Variants in IL12RB1 observed in about 807,000 individuals in gnomAD.
IL12RB1 encodes interleukin 12 receptor subunit beta 1, also known as interleukin-12 receptor subunit beta-1.
In IL12RB1, 64 loss-of-function variants were observed where a neutral mutation model predicts 94.4. That is an observed-to-expected ratio of 0.68 (90% confidence interval 0.55 to 0.83). The LOEUF is 0.83. Among genes scored for constraint, IL12RB1 ranks in the 40% least tolerant of loss-of-function variants. The pLI, the probability that IL12RB1 is intolerant of heterozygous loss-of-function variation, is 0.00. For synonymous variants in IL12RB1, 362 were observed against 355.5 expected (o/e 1.02, Z -0.21); for missense variants, 814 against 855.6 (o/e 0.95, Z 0.61).
intron 1 of IL12RB1, among the ~76,000 whole-genome samples, chr19:18,084,591 A>C (rs1276522199): frequency 2.0e-5 from 3 of 151,118 alleles, no homozygotes; most frequent in African/African-American, 7.3e-5. Flanking sequence ...CCATCTATCC[A>C]TCCACGTATT....
intron 16 of IL12RB1, 56 bp from the exon 17 acceptor site, chr19:18,059,669 G>A: frequency 2.6e-6 from 2 of 779,608 alleles, no homozygotes; most frequent in South Asian, 1.3e-5. Context: ...GGATTTGGTA[G>A]GGAATCATGT....
Position 18,069,526 on chromosome 19 carries a change from A to T in IL12RB1, c.1189+20T>A, listed in dbSNP as rs1352957512. 3.1e-6 allele frequency: 5 copies of T among 1,592,314 alleles called. No homozygotes were observed. The African/African-American group carries it at 5.4e-5, about 17-fold the overall frequency. The stretch of plus-strand genomic sequence containing the variant: ...GAGGGCACAGAGGAGGGGTAGGCGC[A>T]GGCCATTCCAGGCCATTACCCATTC... On this transcript the variant is annotated intron_variant, in intron 10 of 16. Transcript: ENST00000593993.
intron 4 of IL12RB1, among the ~76,000 whole-genome samples, chr19:18,079,324 G>A (rs1323045464): frequency 6.6e-6 from 1 of 151,834 alleles, no homozygotes; most frequent in Admixed American, 6.6e-5. Flanking sequence ...GGCTGGTCTC[G>A]AACTCCTGAC....
In IL12RB1 at chr19:18,097,929, G is replaced by A. The variant is rs1259777538; in HGVS notation, c.-230+826C>T. The A allele has an allele frequency of 3.1e-6, 3 of 959,970 alleles. No homozygotes were observed. The African/African-American group carries it at 5.1e-5, about 16-fold the overall frequency. 59.5% of individuals were successfully genotyped at this position (959,970 alleles called of 1,614,324 possible). A position where few individuals can be genotyped will look rare whatever the true frequency, so the allele number is the denominator to read the frequency against. ...GGGGCGGGGCCTTCACGGGCTGTAG[G>A]GAAACTGAGGCAGAGGGTGGGGAAC... On this transcript the variant is annotated intron_variant, in intron 1 of 4. Coordinates refer to the IL12RB1 transcript ENST00000594176.
chr19:18,066,044 TAA>T (rs76051228), intron 12 of IL12RB1, among the ~76,000 whole-genome samples: 15,766 of 131,776 alleles, frequency 0.12, 2,856 homozygotes, highest in African/African-American at 0.39. Flanking sequence ...TCTATAAAAT[TAA>T]AAAAAAAAAA....
In IL12RB1 at chr19:18,075,804, CA is replaced by C; in HGVS notation, c.644del (p.Leu215ArgfsTer27). On this transcript the variant is annotated frameshift_variant, in exon 7 of 17. Transcript: ENST00000593993. LOFTEE classifies it high-confidence loss of function. The part of the protein sequence containing the change: ...AQEFQLRRRQ[L>X]GSQGSSWSKW... ...TGCTCCAGGAACTTCCTTGGCTCCC[CA>C]GCTGCCGTCGTCGGAGCTGGAATTC... 6.2e-7 allele frequency: 1 copy of C among 1,613,208 alleles called. No individual in the cohort carries two copies. Among genetic ancestry groups the C allele is most frequent in the Non-Finnish European group, 8.5e-7 (1 of 1,179,184 alleles).
chr19:18,083,540 G>T (rs770702572), intron 1 of IL12RB1, 49 bp from the exon 2 acceptor site: 30 of 1,583,260 alleles, frequency 1.9e-5, no homozygotes, highest in Non-Finnish European at 2.4e-5. Context: ...TGCACTGTGT[G>T]GGGAGAAGGG....
intron 1 of IL12RB1, among the ~76,000 whole-genome samples, chr19:18,094,821 A>G (rs143562676): frequency 9.4e-4 from 142 of 151,798 alleles, no homozygotes; most frequent in African/African-American, 3.4e-3. Context: ...AACCCAAAAC[A>G]TAGAGTTACA....
In IL12RB1 at chr19:18,080,725, T is replaced by C. The variant is rs907687061; in HGVS notation, c.409+107A>G. The stretch of plus-strand genomic sequence containing the variant: ...CACTACGTGAAGTGACAATGGCTAG[T>C]AGTATCAAGTCCCTTGCCAAGGGCC... On this transcript the variant is annotated intron_variant, in intron 4 of 16. Coordinates refer to ENST00000593993, the MANE Select transcript of IL12RB1 (RefSeq NM_005535.3). The C allele has an allele frequency of 7.5e-6, 6 of 799,092 alleles. No homozygotes were observed. In the African/African-American group the frequency reaches 1.0e-4, roughly 13 times the overall value. The allele number at this position is 799,092 out of a possible 1,614,324, so 49.5% of individuals were successfully genotyped here. A position where few individuals can be genotyped will look rare whatever the true frequency, so the allele number is the denominator to read the frequency against.
rs755262411 is a variant in IL12RB1 at position 18,072,240 on chromosome 19, G to A, written c.893C>T (p.Thr298Ile). 11 of 1,614,026 alleles carry A rather than the reference G, an allele frequency of 6.8e-6. No homozygotes were observed. The highest frequency in any genetic ancestry group is 9.3e-6 in the Non-Finnish European group (11 of 1,179,982). Residue 298 changes from threonine (T) to isoleucine (I), a missense_variant, in exon 9 of 17, where the codon ACC (threonine) becomes ATC (isoleucine). Thr to Ile is a moderately conservative substitution (Grantham distance 89). Transcript: ENST00000593993. The stretch of plus-strand genomic sequence containing the variant: ...CATCTTCCCCAGGTGCAGGGTCCTG[G>A]TGGCCTTGGCCTTACACGGGCAGGA... ...MLSCPCKAKA[T>I]RTLHLGKMPY...
exon 1 of IL12RB1, chr19:18,098,856 T>C (rs981691312): frequency 2.2e-6 from 1 of 454,676 alleles, no homozygotes; most frequent in African/African-American, 2.0e-5. Context: ...CCCAACCTGT[T>C]GGGGGAGGTA....
At position 18,093,756 on chromosome 19, in the gene IL12RB1, T is replaced by C. The variant is rs117316765; in HGVS notation, c.-229-2987A>G. Among the ~76,000 whole-genome samples the C allele has an allele frequency of 1.6e-3, 246 of 152,060 alleles. 3 individuals are homozygous for C. The East Asian group carries it at 0.023, about 14-fold the overall frequency. ...AACTTTGAGGCAGAGCTGCCCAGAG[T>C]CAGAACAATTGGCCATTGCAGGACA... On this transcript the variant is annotated intron_variant, in intron 1 of 4. Coordinates refer to the IL12RB1 transcript ENST00000594176.
At chr19:18,063,608 G>C (rs17882792) in intron 13 of IL12RB1, among the ~76,000 whole-genome samples, 5 of 152,310 alleles carry the variant, frequency 3.3e-5, no homozygotes, top group Admixed American at 2.6e-4. Context: ...TTTGAGCTGA[G>C]TTTTGAAGGA....
At chr19:18,080,641 A>G (rs2035830509) in intron 4 of IL12RB1, among the ~76,000 whole-genome samples, 191 bp downstream of exon 4, 1 of 152,170 alleles carries the variant, frequency 6.6e-6, no homozygotes, top group South Asian at 2.1e-4. Flanking sequence ...AGTGCCCACG[A>G]ATAGGGGATT....
At chr19:18,080,703 T>A in intron 4 of IL12RB1, 129 bp downstream of exon 4, 1 of 766,456 alleles carries the variant, frequency 1.3e-6, no homozygotes, top group Non-Finnish European at 2.4e-6. Context: ...TGCGTGACAC[T>A]ACGTGAAGTG....
At chr19:18,070,325 C>T (rs1213052296) in intron 9 of IL12RB1, among the ~76,000 whole-genome samples, 1 of 152,252 alleles carries the variant, frequency 6.6e-6, no homozygotes, top group Non-Finnish European at 1.5e-5. Flanking sequence ...CACCCACTTC[C>T]AGCCTTGTAG....
At chr19:18,083,126 TGG>T (rs5827396) in intron 2 of IL12RB1, 4 of 445,894 alleles carry the variant, frequency 9.0e-6, no homozygotes, top group African/African-American at 2.0e-5. Flanking sequence ...TTTATCAGGT[TGG>T]GGGGGGGGCT....
chr19:18,084,850 A>G (rs1483495379), intron 1 of IL12RB1, among the ~76,000 whole-genome samples: 1 of 152,210 alleles, frequency 6.6e-6, no homozygotes, highest in Admixed American at 6.5e-5. Context: ...AGGAAAGAAC[A>G]GTAAGACCAA....
intron 16 of IL12RB1, 47 bp downstream of exon 16, chr19:18,059,847 C>T (rs12461312): frequency 2.9e-6 from 3 of 1,050,364 alleles, no homozygotes; most frequent in African/African-American, 3.1e-5. Flanking sequence ...CCCCACCCCC[C>T]GGGCAGGGTT....
Sources: allele counts gnomAD v4.1 joint callset (sites outside exome capture counted in the v4.1 genomes callset), GRCh38; gene constraint gnomAD v4.1.1; transcripts MANE v1.5; gene names NCBI Gene and HGNC (gene_info 2026-07-23, HGNC 2026-07-21).